SERHL2: variants seen among roughly 807,000 people sequenced by gnomAD.
SERHL2 encodes serine hydrolase like 2.
In SERHL2, 29 loss-of-function variants were observed where a neutral mutation model predicts 25.5. The ratio of observed to expected loss-of-function variants is 1.14; its 90% CI spans 0.85 to 1.55. The LOEUF (loss-of-function observed/expected upper bound fraction) is 1.55. Ranked by LOEUF, SERHL2 falls within the 40% of genes most tolerant of loss-of-function variation. The pLI is 0.00. For synonymous variants in SERHL2, 95 were observed against 103.5 expected, an observed-to-expected ratio of 0.92 and a Z score of 0.50; for missense variants, 240 against 252.3, an observed-to-expected ratio of 0.95 and a Z score of 0.33.
Position 42,574,291 on chromosome 22 carries a change from C to T in SERHL2, c.*236C>T. The T allele has an allele frequency of 1.8e-6, 1 of 549,872 alleles. No individual in the cohort carries two copies. Among genetic ancestry groups the T allele is most frequent in the Non-Finnish European group, 3.2e-6 (1 of 311,892 alleles). The allele number at this position is 549,872 out of a possible 1,614,324, so 34.1% of individuals were successfully genotyped here. On this transcript the variant is annotated 3_prime_UTR_variant, in exon 12 of 12. Coordinates refer to ENST00000327678, the MANE Select transcript of SERHL2 (RefSeq NM_014509.5). ...TTTCTCCTGGCTAATAATAAATATC[C>T]AGCCAGCTGGAGGAAGGAAGGGCAG...
intron 8 of SERHL2, 67 bp downstream of exon 8, chr22:42,560,332 T>G: frequency 8.0e-7 from 1 of 1,248,330 alleles, no homozygotes; most frequent in Non-Finnish European, 1.2e-6. Flanking sequence ...TGTCAAGGAC[T>G]TGCCTTAGAC....
Position 42,560,365 on chromosome 22 carries a change from G to A in SERHL2, c.613+100G>A. On this transcript the variant is annotated intron_variant, in intron 8 of 11. Transcript: ENST00000327678. ...GACCAGGCAGGATACTAAGCGCTTT[G>A]CAAACAGCATCTCACTGAATCCCCC... The A allele has an allele frequency of 3.6e-6, 3 of 837,758 alleles. No individual in the cohort carries two copies. The South Asian group carries it at 4.2e-5, about 12-fold the overall frequency. 51.9% of individuals were successfully genotyped at this position (837,758 alleles called of 1,614,324 possible).
In SERHL2 at chr22:42,571,517, C is replaced by T. The variant is rs943613951; in HGVS notation, c.731+314C>T. The T allele has an allele frequency of 4.5e-5, 51 of 1,136,712 alleles. 1 individual carries two copies. Among genetic ancestry groups the T allele is most frequent in the Admixed American group, 2.6e-4 (7 of 27,020 alleles). 70.4% of individuals were successfully genotyped at this position (1,136,712 alleles called of 1,614,324 possible). On this transcript the variant is annotated intron_variant, in intron 10 of 11. Coordinates refer to ENST00000327678, the MANE Select transcript of SERHL2 (RefSeq NM_014509.5). ...CTCGGCTGACTGCAACCTCTGTCTCCTGGATTCAAACGATTCTCCTGCCTC... is the reference window on the plus strand; with the variant it reads ...CTCGGCTGACTGCAACCTCTGTCTCTTGGATTCAAACGATTCTCCTGCCTC...
chr22:42,572,664 G>C lies in SERHL2; in HGVS notation c.825+135G>C, dbSNP rs9623629. The C allele has an allele frequency of 1.2e-3, 1,665 of 1,431,432 alleles. 37 individuals carry two copies. In the East Asian group the frequency reaches 0.038, roughly 33 times the overall value. The allele number at this position is 1,431,432 out of a possible 1,614,324, so 88.7% of individuals were successfully genotyped here. ...AACAAGTGACCACCAGGATCTATCA[G>C]GCCTCATGCTCCACTGTGGTCAGTC... is the stretch of plus-strand genomic sequence containing the variant. On this transcript the variant is annotated intron_variant, in intron 11 of 11. Transcript: ENST00000327678.
rs201927369 is a variant in SERHL2, at chr22:42,554,009, G to A, written c.-12G>A. On this transcript the variant is annotated 5_prime_UTR_variant, in exon 1 of 12. Transcript: ENST00000327678. The stretch of plus-strand genomic sequence containing the variant: ...GAGGGAGTGACAGCAGCGCATTCGC[G>A]GGACGAGAGCGATGAGTGAGAACGC... 3.7e-6 allele frequency: 6 copies of A among 1,613,394 alleles called. No homozygotes were observed. The highest frequency in any genetic ancestry group is 1.1e-5 in the South Asian group (1 of 91,044).
At chr22:42,567,793 C>G (rs945474731) in intron 9 of SERHL2, among the ~76,000 whole-genome samples, 26 of 151,612 alleles carry the variant, frequency 1.7e-4, no homozygotes, top group African/African-American at 5.3e-4. Context: ...TGCAATGGCA[C>G]TATCTCAGCT....
intron 8 of SERHL2, among the ~76,000 whole-genome samples, chr22:42,560,482 C>T (rs143547639): frequency 6.6e-6 from 1 of 152,004 alleles, no homozygotes; most frequent in East Asian, 1.9e-4. Context: ...TACTGCACAT[C>T]CCAGAAAGCC....
Position 42,573,552 on chromosome 22 carries a change from G to A in SERHL2, c.826-384G>A, listed in dbSNP as rs1025063049. ...TGGGAATACAGGCGTGAGCCACTGC[G>A]CCCGGCCCTGTCTGGCTTCTTGAAG... is the stretch of plus-strand genomic sequence containing the variant. On this transcript the variant is annotated intron_variant, in intron 11 of 11. Transcript: ENST00000327678. The A allele has an allele frequency of 2.4e-4, 52 of 218,006 alleles. 1 individual carries two copies. Among genetic ancestry groups the A allele is most frequent in the Non-Finnish European group, 4.1e-4 (45 of 109,248 alleles). The allele number at this position is 218,006 out of a possible 1,614,324, so 13.5% of individuals were successfully genotyped here. A position where few individuals can be genotyped will look rare whatever the true frequency, so the allele number is the denominator to read the frequency against.
At chr22:42,562,195 C>T (rs2146692776) in intron 8 of SERHL2, among the ~76,000 whole-genome samples, 1 of 151,932 alleles carries the variant, frequency 6.6e-6, no homozygotes, top group African/African-American at 2.4e-5. Context: ...AACCCCCCAC[C>T]CAGTGCCTCA....
chr22:42,572,168 G>C (rs907390205), intron 10 of SERHL2, among the ~76,000 whole-genome samples: 1 of 152,172 alleles, frequency 6.6e-6, no homozygotes, highest in Admixed American at 6.5e-5. Context: ...TGCTTTTCAG[G>C]GCTGACTGTG....
At chr22:42,572,819 C>T in intron 11 of SERHL2, 7 of 531,762 alleles carry the variant, frequency 1.3e-5, no homozygotes, top group Non-Finnish European at 1.7e-5. Context: ...CACCTGCCAC[C>T]ATGCCCAGCT....
intron 8 of SERHL2, among the ~76,000 whole-genome samples, chr22:42,565,571 G>C (rs1011615721): frequency 6.6e-6 from 1 of 151,774 alleles, no homozygotes; most frequent in African/African-American, 2.4e-5. Flanking sequence ...TGATTCGCCT[G>C]CCTCGGCCTC....
intron 8 of SERHL2, chr22:42,564,969 T>C (rs137032): frequency 0.36 from 42,657 of 119,526 alleles, 6,917 homozygotes; most frequent in African/African-American, 0.59. Context: ...GGCGCGCGCG[T>C]GTGTGTGTGT....
rs1601833742 is a variant in SERHL2, at chr22:42,560,195, G to A, written c.543G>A (p.Lys181=). Reference sequence around the variant, plus strand: ...TTCTGTCTCCCCCCAGGTTACTGAAGAGCAATAGCCACTTGAGTGAGGAGT... The same window carrying A: ...TTCTGTCTCCCCCCAGGTTACTGAAAAGCAATAGCCACTTGAGTGAGGAGT... The part of the protein sequence containing the change: ...SLKQLLQRLL[K]SNSHLSEECG... Residue 181 remains lysine (K), a synonymous_variant, in exon 8 of 12, where the codon AAG becomes AAA. Coordinates refer to ENST00000327678, the MANE Select transcript of SERHL2 (RefSeq NM_014509.5). The A allele has an allele frequency of 1.2e-6, 2 of 1,612,238 alleles. No homozygotes were observed. Among genetic ancestry groups the A allele is most frequent in the Non-Finnish European group, 1.7e-6 (2 of 1,178,582 alleles).
chr22:42,568,807 A>G (rs2146736000), intron 9 of SERHL2, among the ~76,000 whole-genome samples: 1 of 152,056 alleles, frequency 6.6e-6, no homozygotes, highest in South Asian at 2.1e-4. Context: ...TCTACCAAAA[A>G]ATACAAAAAT....
rs138710050 is a variant in SERHL2 at position 42,572,490 on chromosome 22, G to A, written c.786G>A (p.Leu262=). The A allele has an allele frequency of 9.4e-4, 1,518 of 1,612,206 alleles. 15 individuals are homozygous for A. The highest frequency in any genetic ancestry group is 1.2e-3 in the Non-Finnish European group (1,438 of 1,178,480). ...AGAATTACTCTGAGAAGGAGTCCCT[G>A]TCGTTCATGATAGACACGATGAAAT... ...SRQNYSEKES[L]SFMIDTMKST... Residue 262 remains leucine, a synonymous_variant, in exon 11 of 12, where the codon CTG becomes CTA. Transcript: ENST00000327678.
At chr22:42,573,652 C>G (rs1334513148) in intron 11 of SERHL2, 3 of 428,478 alleles carry the variant, frequency 7.0e-6, no homozygotes, top group South Asian at 2.9e-5. Context: ...CTGATACAAT[C>G]ACAGCAACCC....
At position 42,560,245 on chromosome 22, in the gene SERHL2, G is replaced by A; in HGVS notation, c.593G>A (p.Gly198Glu). The change falls in exon 8 of 12, where the codon GGA becomes GAA. Residue 198 changes from glycine to glutamate, a missense_variant. This residue lies in a region of SERHL2 where 212 missense variants were observed against 168.9 expected (regional missense o/e 1.25). Transcript: ENST00000327678. Reference protein sequence around the residue: ...EECGELLLQRGTTKVATGLVL... With the variant: ...EECGELLLQRETTKVATGLVL... ...TGCGGGGAGCTTCTCCTGCAAAGAG[G>A]AACCACGAAGGTGGCCACAGGTAAG... The A allele has an allele frequency of 6.2e-7, 1 of 1,612,188 alleles. No homozygotes were observed. Among genetic ancestry groups the A allele is most frequent in the Non-Finnish European group, 8.5e-7 (1 of 1,178,552 alleles).
intron 1 of SERHL2, among the ~76,000 whole-genome samples, chr22:42,554,650 G>A (rs1284869617): frequency 6.6e-6 from 1 of 151,964 alleles, no homozygotes; most frequent in Non-Finnish European, 1.5e-5. Flanking sequence ...GGCCTGACCA[G>A]CGCCCCCGCC....
Sources: gnomAD v4.1 joint callset for allele counts (sites outside exome capture counted in the v4.1 genomes callset) on GRCh38, gnomAD v4.1.1 for gene constraint, gnomAD v4.1.1 regional missense constraint, MANE v1.5 for transcripts, NCBI Gene and HGNC (gene_info 2026-07-23, HGNC 2026-07-21) for gene names.